Variants in GUF1 observed in about 807,000 individuals in gnomAD.
GUF1 encodes the protein GTP binding elongation factor GUF1.
In GUF1, 78 loss-of-function variants were observed where a neutral mutation model predicts 82.4. The observed-to-expected ratio is 0.95, with a 90% CI of 0.79 to 1.14. The LOEUF (loss-of-function observed/expected upper bound fraction) is 1.14, where lower values mean the gene tolerates loss of function less well. GUF1 is among the 50% of genes most tolerant of loss of function. The probability of loss-of-function intolerance (pLI) is 0.00; values close to 1 mark genes in which losing one functional copy is unlikely to be tolerated. For synonymous variants in GUF1, 279 were observed against 282.3 expected, an observed-to-expected ratio of 0.99 and a Z score of 0.12; for missense variants, 814 against 798.2, an observed-to-expected ratio of 1.02 and a Z score of -0.24.
chr4:44,678,730 T>TG lies in GUF1; in HGVS notation c.112dup (p.Ala38GlyfsTer22), dbSNP rs1714586747. The TG allele has an allele frequency of 6.5e-7, 1 of 1,529,426 alleles. No individual in the cohort carries two copies. The highest frequency in any genetic ancestry group is 1.5e-5 in the African/African-American group (1 of 68,640). The allele number at this position is 1,529,426 out of a possible 1,614,324, so 94.7% of individuals were successfully genotyped here. A position where few individuals can be genotyped will look rare whatever the true frequency, so the allele number is the denominator to read the frequency against. ...CGGGGCCCCGGTCCGCGCCGACCCT[T>TG]GGGGCTGCTCCAGAGTCCTGGGCTA... is the stretch of plus-strand genomic sequence containing the variant. On this transcript the variant is annotated frameshift_variant, in exon 1 of 17. Coordinates refer to ENST00000281543, the MANE Select transcript of GUF1 (RefSeq NM_021927.3). LOFTEE classifies it high-confidence loss of function.
At position 44,682,375 on chromosome 4, in the gene GUF1, C is replaced by A. The variant is rs749797704; in HGVS notation, c.549C>A (p.Phe183Leu). 2 of 1,536,574 alleles carry A rather than the reference C, an allele frequency of 1.3e-6. No individual in the cohort carries two copies. The highest frequency in any genetic ancestry group is 2.5e-5 in the South Asian group (2 of 78,608). Residue 183 changes from phenylalanine to leucine, a missense_variant, in exon 5 of 17, where the codon TTC becomes TTA. Physicochemically the swap from Phe to Leu is conservative, Grantham distance 22 (BLOSUM62 0). Transcript: ENST00000281543. ...AQTVANFFLA[F>L]EAQLSVIPVI... ...CTGTAGCAAACTTCTTTCTTGCCTTCGAAGCACAGCTATCGGTAATTCCAG... is the reference window on the plus strand; with the variant it reads ...CTGTAGCAAACTTCTTTCTTGCCTTAGAAGCACAGCTATCGGTAATTCCAG...
chr4:44,678,803 A>C lies in GUF1; in HGVS notation c.165+16A>C, dbSNP rs759285568. The C allele has an allele frequency of 2.5e-5, 39 of 1,544,960 alleles. No individual in the cohort carries two copies. Among genetic ancestry groups the C allele is most frequent in the Middle Eastern group, 3.4e-4 (2 of 5,910 alleles). ...AGAATTCAAGGTGACTGCCCCCTGG[A>C]ATCTGATTTAGCCAAGTTTTCAAAC... On this transcript the variant is annotated intron_variant, in intron 1 of 16. Transcript: ENST00000281543.
intron 13 of GUF1, 50 bp from the exon 14 acceptor site, chr4:44,694,362 T>C: frequency 9.5e-7 from 1 of 1,049,876 alleles, no homozygotes; most frequent in East Asian, 2.4e-5. Flanking sequence ...GTAATAAAGG[T>C]AATCTCTCAG....
intron 15 of GUF1, among the ~76,000 whole-genome samples, chr4:44,696,844 TA>T (rs1429123704): frequency 6.6e-6 from 1 of 152,134 alleles, no homozygotes; most frequent in African/African-American, 2.4e-5. Context: ...GATAATACCT[TA>T]AAAAATTGGT....
intron 10 of GUF1, 124 bp downstream of exon 10, chr4:44,689,533 T>C: frequency 1.8e-6 from 2 of 1,098,138 alleles, no homozygotes; most frequent in Non-Finnish European, 2.5e-6. Context: ...TATAAAATGG[T>C]GCATTGTTCT....
chr4:44,692,393 C>G (rs1469558136), intron 13 of GUF1, among the ~76,000 whole-genome samples: 1 of 151,548 alleles, frequency 6.6e-6, no homozygotes, highest in Non-Finnish European at 1.5e-5. Flanking sequence ...GCATAGCATT[C>G]TGAGAGGCTG....
intron 9 of GUF1, among the ~76,000 whole-genome samples, chr4:44,688,411 C>T (rs1016873663): frequency 2.6e-5 from 4 of 151,358 alleles, no homozygotes; most frequent in Non-Finnish European, 4.4e-5. Flanking sequence ...AAATTTCTTT[C>T]TTATTTTTCT....
intron 7 of GUF1, 137 bp downstream of exon 7, chr4:44,686,160 G>A (rs915561258): frequency 3.0e-5 from 20 of 655,800 alleles, no homozygotes; most frequent in East Asian, 1.1e-4. Flanking sequence ...TGCAGGCAGC[G>A]AGAATAAATT....
intron 5 of GUF1, 131 bp from the exon 6 acceptor site, chr4:44,683,104 C>A: frequency 1.9e-6 from 1 of 518,898 alleles, no homozygotes; most frequent in Non-Finnish European, 3.4e-6. Context: ...TATTTTACTG[C>A]TTTTGAAAAA....
chr4:44,689,243 A>T, intron 9 of GUF1, 43 bp from the exon 10 acceptor site: 3 of 1,513,540 alleles, frequency 2.0e-6, no homozygotes, highest in Non-Finnish European at 2.7e-6. Context: ...ATAGGTCTGT[A>T]GGCAGCTTAT....
intron 5 of GUF1, 39 bp from the exon 6 acceptor site, chr4:44,683,196 C>A: frequency 5.4e-6 from 6 of 1,108,924 alleles, no homozygotes; most frequent in African/African-American, 3.1e-5. Flanking sequence ...TACATCTTAT[C>A]TTTATTATAC....
At chr4:44,678,926 T>C (rs1423661401) in intron 1 of GUF1, 139 bp downstream of exon 1, 5 of 827,596 alleles carry the variant, frequency 6.0e-6, no homozygotes, top group African/African-American at 5.5e-5. Flanking sequence ...GAGCGGAGAG[T>C]GTGAGCACTG....
At chr4:44,685,146 A>G (rs11931747) in intron 6 of GUF1, among the ~76,000 whole-genome samples, 33,444 of 152,130 alleles carry the variant, frequency 0.22, 3,858 homozygotes, top group Middle Eastern at 0.36. Context: ...GTTAAGGACT[A>G]TTGTAAAGAA....
chr4:44,680,932 A>G (rs1714737424), intron 3 of GUF1, 90 bp downstream of exon 3: 1 of 1,219,598 alleles, frequency 8.2e-7, no homozygotes, highest in Non-Finnish European at 1.2e-6. Flanking sequence ...TGAACTGAGT[A>G]TTAAACATCT....
At position 44,700,730 on chromosome 4, in the gene GUF1, T is replaced by C. The variant is rs1165492996; in HGVS notation, c.*2049T>C. On this transcript the variant is annotated 3_prime_UTR_variant, in exon 17 of 17. Transcript: ENST00000281543. ...GAGCTTACAGTTATTGTGAAATCATTTTAATTATAAATTAAGTGGAGATTT... is the reference window on the plus strand; with the variant it reads ...GAGCTTACAGTTATTGTGAAATCATCTTAATTATAAATTAAGTGGAGATTT... 1.3e-5 allele frequency: 2 copies of C among 152,202 alleles called. No homozygotes were observed. Among genetic ancestry groups the C allele is most frequent in the Non-Finnish European group, 1.5e-5 (1 of 68,044 alleles). 9.4% of individuals were successfully genotyped at this position (152,202 alleles called of 1,614,324 possible). A position where few individuals can be genotyped will look rare whatever the true frequency, so the allele number is the denominator to read the frequency against.
Position 44,685,648 on chromosome 4 carries a change from A to C in GUF1, c.670-311A>C, listed in dbSNP as rs193164919. On this transcript the variant is annotated intron_variant, in intron 6 of 16. Transcript: ENST00000281543. ...GATGATGAAATTTATGCTCAAAGAGATAGATACTGGTGAAATACATGGATT... is the reference window on the plus strand; with the variant it reads ...GATGATGAAATTTATGCTCAAAGAGCTAGATACTGGTGAAATACATGGATT... Among the ~76,000 whole-genome samples, 490 of 152,168 alleles carry C rather than the reference A, an allele frequency of 3.2e-3. 2 individuals are homozygous for C. The highest frequency in any genetic ancestry group is 6.2e-3 in the Non-Finnish European group (418 of 67,942).
chr4:44,687,394 C>T (rs1715122816), intron 8 of GUF1, among the ~76,000 whole-genome samples: 2 of 151,844 alleles, frequency 1.3e-5, no homozygotes, highest in Admixed American at 6.6e-5. Context: ...TTTTATTTTA[C>T]TGAAATATTT....
At chr4:44,682,488 T>C in intron 5 of GUF1, 77 bp downstream of exon 5, 1 of 744,582 alleles carries the variant, frequency 1.3e-6, no homozygotes, top group East Asian at 3.0e-5. Context: ...AGTTGTACTA[T>C]TCATTATATG....
In GUF1 at chr4:44,690,345, C is replaced by T. The variant is rs543651446; in HGVS notation, c.1335+370C>T. ...TTTATCTCGTAAAAAGTGAAGCATTCATTCTGGTGACTGGGAAATTTTAAA... is the reference window on the plus strand; with the variant it reads ...TTTATCTCGTAAAAAGTGAAGCATTTATTCTGGTGACTGGGAAATTTTAAA... On this transcript the variant is annotated intron_variant, in intron 11 of 16. Transcript: ENST00000281543. Among the ~76,000 whole-genome samples the T allele has an allele frequency of 3.8e-4, 57 of 151,838 alleles. 1 individual carries two copies. The Middle Eastern group carries it at 0.01, about 27-fold the overall frequency.
Sources: allele counts gnomAD v4.1 joint callset (sites outside exome capture counted in the v4.1 genomes callset), GRCh38; gene constraint gnomAD v4.1.1; transcripts MANE v1.5; gene names NCBI Gene and HGNC (gene_info 2026-07-23, HGNC 2026-07-21).